DRC11: variants seen among roughly 807,000 people sequenced by gnomAD.
DRC11 encodes IQ and AAA domain-containing protein 1.
At chr2:236,357,482 A>G in the DRC11 span, among the ~76,000 whole-genome samples, 3 of 127,400 alleles carry the variant, frequency 2.4e-5, no homozygotes, top group Non-Finnish European at 4.6e-5. Flanking sequence ...ATGTATATTT[A>G]TATATTATAA....
At chr2:236,446,803 C>G in the DRC11 span, among the ~76,000 whole-genome samples, 1 of 152,210 alleles carries the variant, frequency 6.6e-6, no homozygotes, top group Non-Finnish European at 1.5e-5. The surrounding 1 kb of genome is among the most constrained non-coding windows in gnomAD (Gnocchi z 6.2). Flanking sequence ...GCCTCAGGCA[C>G]TGTCTGCCCA....
chr2:236,444,550 T>C, the DRC11 span, among the ~76,000 whole-genome samples: 1 of 152,200 alleles, frequency 6.6e-6, no homozygotes, highest in Non-Finnish European at 1.5e-5. Flanking sequence ...GGACACACTT[T>C]GAGAGCCATT....
the DRC11 span, among the ~76,000 whole-genome samples, chr2:236,459,576 C>CGTACGTATATACGTATATATGTAT: frequency 7.9e-6 from 1 of 126,240 alleles, no homozygotes; most frequent in Admixed American, 7.9e-5. Context: ...TATGTGTATA[C>CGTACGTATATACGTATATATGTAT]ATACGTATAT....
the DRC11 span, among the ~76,000 whole-genome samples, chr2:236,328,251 T>A: frequency 2.6e-5 from 4 of 152,212 alleles, no homozygotes; most frequent in African/African-American, 7.2e-5. The surrounding 1 kb of genome is among the most constrained non-coding windows in gnomAD (Gnocchi z 6.7). Context: ...TAAATTTCCA[T>A]ACAGAGTGGT....
the DRC11 span, among the ~76,000 whole-genome samples, chr2:236,430,233 C>G: frequency 6.6e-6 from 1 of 151,722 alleles, no homozygotes; most frequent in East Asian, 2.0e-4. This position sits in a 1 kb window ranked among gnomAD's most constrained non-coding sequence, Gnocchi z 6.0. Flanking sequence ...ACAGAGCACA[C>G]TGGCATTGTT....
At chr2:236,393,628 G>A in the DRC11 span, among the ~76,000 whole-genome samples, 1 of 152,230 alleles carries the variant, frequency 6.6e-6, no homozygotes, top group African/African-American at 2.4e-5. The surrounding 1 kb of genome is among the most constrained non-coding windows in gnomAD (Gnocchi z 4.7). Context: ...AAACCACAGA[G>A]GACCAGGAAC....
the DRC11 span, among the ~76,000 whole-genome samples, chr2:236,389,825 G>GT: frequency 6.6e-6 from 1 of 152,056 alleles, no homozygotes; most frequent in African/African-American, 2.4e-5. Flanking sequence ...TTGATTTCTA[G>GT]TTTCATTTCA....
At chr2:236,390,724 T>C in the DRC11 span, among the ~76,000 whole-genome samples, 2 of 152,134 alleles carry the variant, frequency 1.3e-5, no homozygotes, top group Non-Finnish European at 2.9e-5. The surrounding 1 kb of genome is among the most constrained non-coding windows in gnomAD (Gnocchi z 5.9). Flanking sequence ...TGGAGAAAGC[T>C]GCCATAGAAG....
chr2:236,388,922 T>C, the DRC11 span, among the ~76,000 whole-genome samples: 1 of 152,200 alleles, frequency 6.6e-6, no homozygotes, highest in East Asian at 1.9e-4. Context: ...TACCCAGCTG[T>C]GTGAGGTGTC....
the DRC11 span, among the ~76,000 whole-genome samples, chr2:236,362,343 C>T: frequency 6.6e-6 from 1 of 152,184 alleles, no homozygotes; most frequent in African/African-American, 2.4e-5. The surrounding 1 kb of genome is among the most constrained non-coding windows in gnomAD (Gnocchi z 5.7). Context: ...ACCCTTAAGA[C>T]AGCAAGGCTA....
chr2:236,412,169 A>G, the DRC11 span, among the ~76,000 whole-genome samples: 2 of 152,188 alleles, frequency 1.3e-5, no homozygotes, highest in African/African-American at 4.8e-5. Context: ...GTGCTGGATT[A>G]TAGGCGTGGG....
At chr2:236,313,181 A>G in the DRC11 span, among the ~76,000 whole-genome samples, 1 of 152,200 alleles carries the variant, frequency 6.6e-6, no homozygotes, top group African/African-American at 2.4e-5. The surrounding 1 kb of genome is among the most constrained non-coding windows in gnomAD (Gnocchi z 4.5). Flanking sequence ...GTCTTGATAT[A>G]AAGACCTAAC....
chr2:236,315,819 G>T, the DRC11 span, among the ~76,000 whole-genome samples: 1 of 152,132 alleles, frequency 6.6e-6, no homozygotes, highest in East Asian at 1.9e-4. The surrounding 1 kb of genome is among the most constrained non-coding windows in gnomAD (Gnocchi z 5.1). Context: ...GACACAAGAG[G>T]GGAACAACAC....
chr2:236,331,431 G>A, the DRC11 span: 2 of 1,613,970 alleles, frequency 1.2e-6, no homozygotes, highest in Non-Finnish European at 1.7e-6. This position sits in a 1 kb window ranked among gnomAD's most constrained non-coding sequence, Gnocchi z 4.8. Flanking sequence ...CAACTGCAGT[G>A]AGAGGTTTAT....
At chr2:236,396,370 A>C in the DRC11 span, among the ~76,000 whole-genome samples, 2 of 151,552 alleles carry the variant, frequency 1.3e-5, no homozygotes, top group African/African-American at 4.9e-5. Flanking sequence ...TTTGATTTTT[A>C]AGAAAAGAAT....
the DRC11 span, among the ~76,000 whole-genome samples, chr2:236,457,176 G>A: frequency 6.6e-6 from 1 of 152,214 alleles, no homozygotes; most frequent in Non-Finnish European, 1.5e-5. The surrounding 1 kb of genome is among the most constrained non-coding windows in gnomAD (Gnocchi z 4.7). Context: ...CTGACAACAA[G>A]TGTACCCATG....
the DRC11 span, among the ~76,000 whole-genome samples, chr2:236,459,461 T>C: frequency 6.8e-6 from 1 of 146,966 alleles, no homozygotes; most frequent in Admixed American, 6.8e-5. Context: ...GGAGAAAGAA[T>C]TCCTAAAACT....
the DRC11 span, among the ~76,000 whole-genome samples, chr2:236,494,568 C>T: frequency 1.3e-5 from 2 of 152,166 alleles, no homozygotes; most frequent in African/African-American, 2.4e-5. This position sits in a 1 kb window ranked among gnomAD's most constrained non-coding sequence, Gnocchi z 4.2. Flanking sequence ...CACTGAGAAA[C>T]ATTATCCTAG....
chr2:236,386,078 G>C, the DRC11 span, among the ~76,000 whole-genome samples: 1 of 149,610 alleles, frequency 6.7e-6, no homozygotes, highest in Non-Finnish European at 1.5e-5. Flanking sequence ...ATTTTATTGA[G>C]AATTTTTGCA....
Sources: allele counts gnomAD v4.1 joint callset (sites outside exome capture counted in the v4.1 genomes callset), GRCh38; gene constraint gnomAD v4.1.1; non-coding constraint Gnocchi (gnomAD v3.1); transcripts MANE v1.5; gene names NCBI Gene and HGNC (gene_info 2026-07-23, HGNC 2026-07-21).